DSCAML1: variants seen among roughly 807,000 people sequenced by gnomAD.
DSCAML1 encodes DS cell adhesion molecule like 1.
A neutral mutation model predicts 200.5 loss-of-function variants in DSCAML1; 38 were observed. The observed-to-expected ratio is 0.19, with a 90% CI of 0.15 to 0.25. DSCAML1 has a LOEUF of 0.25. Among genes scored for constraint, DSCAML1 ranks in the 10% least tolerant of loss-of-function variants. The probability of loss-of-function intolerance (pLI) is 1.00; values close to 1 mark genes in which losing one functional copy is unlikely to be tolerated. For synonymous variants in DSCAML1, 1,215 were observed against 1,165.0 expected, an observed-to-expected ratio of 1.04 and a Z score of -0.87; for missense variants, 2,223 against 2,858.8, an observed-to-expected ratio of 0.78 and a Z score of 5.07.
At chr11:117,795,822 G>A (rs961056149) in intron 1 of DSCAML1, among the ~76,000 whole-genome samples, 4 of 152,290 alleles carry the variant, frequency 2.6e-5, no homozygotes, top group Non-Finnish European at 4.4e-5. Context: ...ACCCCTCCCC[G>A]GGTGGCAACC....
At chr11:117,774,302 C>T (rs1287224630) in intron 3 of DSCAML1, among the ~76,000 whole-genome samples, 1 of 152,220 alleles carries the variant, frequency 6.6e-6, no homozygotes, top group African/African-American at 2.4e-5. Flanking sequence ...GTGGGAACTG[C>T]AGTCGTGTGG....
intron 3 of DSCAML1, among the ~76,000 whole-genome samples, chr11:117,627,655 G>T (rs965278001): frequency 1.3e-5 from 2 of 152,128 alleles, no homozygotes; most frequent in Non-Finnish European, 2.9e-5. Flanking sequence ...CCAGGAGGGA[G>T]CTTCGGGAAC....
At position 117,442,262 on chromosome 11, in the gene DSCAML1, G is replaced by A. The variant is rs544878376; in HGVS notation, c.3862+1624C>T. On this transcript the variant is annotated intron_variant, in intron 21 of 32. Coordinates refer to ENST00000651296, the MANE Select transcript of DSCAML1 (RefSeq NM_020693.4). ...TGTGTATGCATGTGCATATGTGTGT[G>A]CATGTATTAGTGTGTATAGTGTGTA... Among the ~76,000 whole-genome samples the A allele has an allele frequency of 4.0e-5, 6 of 151,256 alleles. No individual in the cohort carries two copies. In the South Asian group the frequency reaches 1.3e-3, roughly 32 times the overall value.
At chr11:117,554,433 T>A (rs921670998) in intron 3 of DSCAML1, among the ~76,000 whole-genome samples, 3 of 152,172 alleles carry the variant, frequency 2.0e-5, no homozygotes, top group African/African-American at 7.2e-5. Context: ...CAGGCTGGAG[T>A]GCGGTGGTGC....
intron 3 of DSCAML1, among the ~76,000 whole-genome samples, chr11:117,537,698 A>G (rs1156788687): frequency 6.6e-6 from 1 of 152,242 alleles, no homozygotes; most frequent in Non-Finnish European, 1.5e-5. Context: ...TCGTCTAAGA[A>G]GAGGGCGATC....
Position 117,521,159 on chromosome 11 carries a change from G to A in DSCAML1, c.1184C>T (p.Ala395Val). The part of the protein sequence containing the change: ...QCFATRKAQT[A>V]QDFAIIALED... ...AAGTGCAATGATGGCAAAGTCCTGG[G>A]CGGTCTGGGCCTTGCGGGTAGCGAA... Residue 395 changes from alanine (A) to valine (V), a missense_variant, in exon 6 of 33, where the codon GCC becomes GTC. This residue lies in a region of DSCAML1 where 579 missense variants were observed against 721.5 expected (regional missense o/e 0.80). Coordinates refer to ENST00000651296, the MANE Select transcript of DSCAML1 (RefSeq NM_020693.4). The A allele has an allele frequency of 6.2e-7, 1 of 1,614,092 alleles. No individual in the cohort carries two copies.
chr11:117,521,168 G>C lies in DSCAML1; in HGVS notation c.1175C>G (p.Ala392Gly). Residue 392 changes from alanine to glycine, a missense_variant, in exon 6 of 33, where the codon GCC (alanine) becomes GGC (glycine). Around this residue, in one of 7 missense-constraint regions of DSCAML1, gnomAD observed 579 missense variants for 721.5 expected, o/e 0.80. Coordinates refer to ENST00000651296, the MANE Select transcript of DSCAML1 (RefSeq NM_020693.4). The stretch of plus-strand genomic sequence containing the variant: ...GATGGCAAAGTCCTGGGCGGTCTGG[G>C]CCTTGCGGGTAGCGAAGCACTGGTA... Reference protein sequence around the residue: ...GAYQCFATRKAQTAQDFAIIA... With the variant: ...GAYQCFATRKGQTAQDFAIIA... 6.2e-7 allele frequency: 1 copy of C among 1,614,134 alleles called. No individual in the cohort carries two copies. Among genetic ancestry groups the C allele is most frequent in the Non-Finnish European group, 8.5e-7 (1 of 1,180,036 alleles).
At chr11:117,451,607 C>G (rs959457076) in intron 19 of DSCAML1, among the ~76,000 whole-genome samples, 1 of 152,088 alleles carries the variant, frequency 6.6e-6, no homozygotes. Context: ...GCGGATCCCC[C>G]GAGGTCAGGA....
intron 3 of DSCAML1, among the ~76,000 whole-genome samples, chr11:117,761,995 T>C (rs2054812592): frequency 6.6e-6 from 1 of 152,026 alleles, no homozygotes. Flanking sequence ...TGGCAAGTGC[T>C]GTGCTTTATT....
chr11:117,446,022 G>A (rs1290038060), intron 20 of DSCAML1, among the ~76,000 whole-genome samples: 1 of 152,166 alleles, frequency 6.6e-6, no homozygotes, highest in East Asian at 1.9e-4. Flanking sequence ...AAATGGAAAT[G>A]ATTGATAAAT....
At chr11:117,536,357 C>T (rs2050170970) in intron 3 of DSCAML1, among the ~76,000 whole-genome samples, 2 of 152,178 alleles carry the variant, frequency 1.3e-5, no homozygotes, top group African/African-American at 2.4e-5. Flanking sequence ...GGCTGGCAGC[C>T]CATGCTCTGC....
chr11:117,808,308 G>A (rs958209001), intron 1 of DSCAML1, among the ~76,000 whole-genome samples: 1 of 152,200 alleles, frequency 6.6e-6, no homozygotes, highest in Non-Finnish European at 1.5e-5. Context: ...TATATTCTGG[G>A]CAATCTGCCG....
chr11:117,719,620 T>C (rs1237345681), intron 3 of DSCAML1, among the ~76,000 whole-genome samples: 2 of 152,374 alleles, frequency 1.3e-5, no homozygotes, highest in East Asian at 1.9e-4. Context: ...TCAGGTACTG[T>C]TGTCTTTACA....
At chr11:117,799,994 C>T (rs2055642539), upstream of DSCAML1, among the ~76,000 whole-genome samples, 1 of 152,166 alleles carries the variant, frequency 6.6e-6, no homozygotes, top group Admixed American at 6.5e-5. Flanking sequence ...AGCTGGGAAT[C>T]CAGGAAAGGG....
chr11:117,615,900 A>T (rs1053945618), intron 3 of DSCAML1, among the ~76,000 whole-genome samples: 1 of 152,156 alleles, frequency 6.6e-6, no homozygotes, highest in Non-Finnish European at 1.5e-5. Flanking sequence ...AGGGAGCCCC[A>T]GCAGAACAGG....
intron 2 of DSCAML1, among the ~76,000 whole-genome samples, chr11:117,777,752 G>C (rs7128169): frequency 0.34 from 51,330 of 151,736 alleles, 10,473 homozygotes; most frequent in Non-Finnish European, 0.46. Context: ...GCCTCAGCTG[G>C]CTTCTAGGGC....
chr11:117,498,767 C>T lies in DSCAML1; in HGVS notation c.2359+5078G>A, dbSNP rs907974453. On this transcript the variant is annotated intron_variant, in intron 11 of 32. Transcript: ENST00000651296. This position sits in a 1 kb window ranked among gnomAD's most constrained non-coding sequence, Gnocchi z 4.0. Reference sequence around the variant, plus strand: ...AGAGTTTGGCCCCAAGCTCCCCGCTCCTGATGTTGTGGCTGCGCAGCTGGG... The same window carrying T: ...AGAGTTTGGCCCCAAGCTCCCCGCTTCTGATGTTGTGGCTGCGCAGCTGGG... Among the ~76,000 whole-genome samples, 2 of 152,292 alleles carry T rather than the reference C, an allele frequency of 1.3e-5. No homozygotes were observed. Among genetic ancestry groups the T allele is most frequent in the East Asian group, 1.9e-4 (1 of 5,190 alleles).
chr11:117,462,348 G>A (rs1314712637), intron 17 of DSCAML1, among the ~76,000 whole-genome samples: 4 of 152,224 alleles, frequency 2.6e-5, no homozygotes, highest in Non-Finnish European at 4.4e-5. Flanking sequence ...TCACCCTGGG[G>A]CGCAGTGCAG....
intron 3 of DSCAML1, among the ~76,000 whole-genome samples, chr11:117,602,731 A>G (rs1298383666): frequency 6.6e-6 from 1 of 152,016 alleles, no homozygotes; most frequent in Non-Finnish European, 1.5e-5. Context: ...CCCAATATGT[A>G]CTGTTGATTG....
Sources: allele counts gnomAD v4.1 joint callset (sites outside exome capture counted in the v4.1 genomes callset), GRCh38; gene constraint gnomAD v4.1.1; regional missense constraint gnomAD v4.1.1; non-coding constraint Gnocchi (gnomAD v3.1); transcripts MANE v1.5; gene names NCBI Gene and HGNC (gene_info 2026-07-23, HGNC 2026-07-21).